The following ABHD17B variants were observed in gnomAD, a reference collection of about 807,000 sequenced individuals.
ABHD17B encodes alpha/beta hydrolase domain-containing protein 17B.
A neutral mutation model predicts 26.2 loss-of-function variants in ABHD17B; 9 were observed. The ratio of observed to expected loss-of-function variants is 0.34; its 90% CI spans 0.21 to 0.60. The LOEUF (loss-of-function observed/expected upper bound fraction) is 0.60. Ranked by LOEUF, ABHD17B falls within the 20% of genes least tolerant of loss-of-function variation. ABHD17B has a pLI of 0.80. For missense variants in ABHD17B, 224 were observed against 352.1 expected (o/e 0.64, Z 2.91); for synonymous variants, 127 against 122.3 (o/e 1.04, Z -0.25).
downstream of ABHD17B, among the ~76,000 whole-genome samples, chr9:71,863,522 A>T (rs1825878809): frequency 6.6e-6 from 1 of 152,180 alleles, no homozygotes; most frequent in South Asian, 2.1e-4. Context: ...TCAAAATGGA[A>T]TACAAAGTCT....
intron 2 of ABHD17B, among the ~76,000 whole-genome samples, chr9:71,871,451 C>T (rs1354865440): frequency 6.6e-6 from 1 of 152,192 alleles, no homozygotes; most frequent in African/African-American, 2.4e-5. Flanking sequence ...TTCTTTACAA[C>T]AGACCTAGTT....
chr9:71,880,344 C>G (rs889289012), intron 1 of ABHD17B, among the ~76,000 whole-genome samples: 1 of 151,660 alleles, frequency 6.6e-6, no homozygotes, highest in Admixed American at 6.6e-5. Flanking sequence ...CATGAAAAAA[C>G]CTTAAAAACC....
chr9:71,865,176 T>C lies in ABHD17B; in HGVS notation c.*1611A>G. On this transcript the variant is annotated 3_prime_UTR_variant, in exon 4 of 4. Coordinates refer to ENST00000333421, the MANE Select transcript of ABHD17B (RefSeq NM_001025780.3). ...GTCAGTGGTATATTTGTTGTTTTAC[T>C]GTTAATTTGACACATCTGAACCAAA... 1.0e-6 allele frequency: 1 copy of C among 985,566 alleles called. No individual in the cohort carries two copies. Among genetic ancestry groups the C allele is most frequent in the Non-Finnish European group, 1.2e-6 (1 of 829,936 alleles). The allele number at this position is 985,566 out of a possible 1,614,324, so 61.1% of individuals were successfully genotyped here. A position where few individuals can be genotyped will look rare whatever the true frequency, so the allele number is the denominator to read the frequency against.
intron 1 of ABHD17B, among the ~76,000 whole-genome samples, chr9:71,894,627 G>A (rs1474831795): frequency 2.0e-5 from 3 of 152,160 alleles, no homozygotes; most frequent in Non-Finnish European, 4.4e-5. Flanking sequence ...TGTATACAAA[G>A]GGCCCAGAAA....
chr9:71,864,104 T>C (rs899936665), downstream of ABHD17B, among the ~76,000 whole-genome samples: 1 of 152,024 alleles, frequency 6.6e-6, no homozygotes, highest in Non-Finnish European at 1.5e-5. Context: ...ACAAGTGCTG[T>C]TTCCTTTTTC....
chr9:71,881,413 G>A (rs1826436863), intron 1 of ABHD17B, among the ~76,000 whole-genome samples: 1 of 152,070 alleles, frequency 6.6e-6, no homozygotes, highest in Non-Finnish European at 1.5e-5. Flanking sequence ...ATAAATCTTT[G>A]TGACCTTGGG....
chr9:71,895,245 G>A (rs1316075848), intron 1 of ABHD17B, among the ~76,000 whole-genome samples: 2 of 152,132 alleles, frequency 1.3e-5, no homozygotes, highest in East Asian at 3.9e-4. Flanking sequence ...ATTTACAGAT[G>A]AGGAAACAGA....
chr9:71,883,819 C>T (rs1254790745), intron 1 of ABHD17B, among the ~76,000 whole-genome samples: 1 of 152,060 alleles, frequency 6.6e-6, no homozygotes, highest in Non-Finnish European at 1.5e-5. Context: ...TGCCTGTAAT[C>T]CCAGCTACTC....
In ABHD17B at chr9:71,865,269, G is replaced by C. The variant is rs1254986304; in HGVS notation, c.*1518C>G. 3 of 985,362 alleles carry C rather than the reference G, an allele frequency of 3.0e-6. No individual in the cohort carries two copies. Among genetic ancestry groups the C allele is most frequent in the Non-Finnish European group, 3.6e-6 (3 of 829,732 alleles). 61.0% of individuals were successfully genotyped at this position (985,362 alleles called of 1,614,324 possible). ...ATAGTCTTAAACATAACCACGGAAC[G>C]AGCAGAACAATTAAAACTACATAAG... On this transcript the variant is annotated 3_prime_UTR_variant, in exon 4 of 4. Transcript: ENST00000333421.
chr9:71,890,115 T>A (rs1826739339), intron 1 of ABHD17B, among the ~76,000 whole-genome samples: 1 of 150,922 alleles, frequency 6.6e-6, no homozygotes, highest in South Asian at 2.1e-4. Context: ...TAAAAATAAA[T>A]AAATAAATAA....
intron 1 of ABHD17B, among the ~76,000 whole-genome samples, chr9:71,904,771 G>C (rs747957267): frequency 4.6e-5 from 7 of 152,078 alleles, no homozygotes; most frequent in Non-Finnish European, 7.4e-5. Context: ...AATGAAAGAG[G>C]TGTCAAATTT....
At position 71,875,209 on chromosome 9, in the gene ABHD17B, T is replaced by A. The variant is rs549806140; in HGVS notation, c.-3-126A>T. On this transcript the variant is annotated intron_variant, in intron 1 of 3. Coordinates refer to ENST00000333421, the MANE Select transcript of ABHD17B (RefSeq NM_001025780.3). ...ATGACTATTACTATTTTAGGTATGA[T>A]TCCAAACAGATTTTTGGCTTCTTTT... The A allele has an allele frequency of 5.6e-5, 43 of 767,470 alleles. No individual in the cohort carries two copies. In the South Asian group the frequency reaches 8.3e-4, roughly 15 times the overall value. The allele number at this position is 767,470 out of a possible 1,614,324, so 47.5% of individuals were successfully genotyped here.
chr9:71,893,790 A>C (rs1200907368), intron 1 of ABHD17B, among the ~76,000 whole-genome samples: 1 of 152,200 alleles, frequency 6.6e-6, no homozygotes, highest in Non-Finnish European at 1.5e-5. Flanking sequence ...ACTTGTTAGC[A>C]TACAAAGATA....
chr9:71,869,539 A>C (rs1157102833), intron 3 of ABHD17B, among the ~76,000 whole-genome samples: 2 of 152,194 alleles, frequency 1.3e-5, no homozygotes, highest in Admixed American at 6.5e-5. Flanking sequence ...AAATACATCT[A>C]AGTATGTTTG....
chr9:71,910,142 A>G (rs1236805866), intron 1 of ABHD17B, among the ~76,000 whole-genome samples: 1 of 152,104 alleles, frequency 6.6e-6, no homozygotes, highest in Non-Finnish European at 1.5e-5. Context: ...GTGCAGATTC[A>G]ATCTAAAATC....
At chr9:71,889,024 AAAAAC>A (rs796353086) in intron 1 of ABHD17B, among the ~76,000 whole-genome samples, 1,838 of 151,944 alleles carry the variant, frequency 0.012, 33 homozygotes, top group African/African-American at 0.042. Flanking sequence ...GTTTAAAAAA[AAAAAC>A]AAACCAGCCA....
chr9:71,905,127 T>C (rs1168488576), intron 1 of ABHD17B, among the ~76,000 whole-genome samples: 1 of 152,076 alleles, frequency 6.6e-6, no homozygotes, highest in African/African-American at 2.4e-5. Context: ...AAGAAGTTTT[T>C]TGTTTTTTTT....
At chr9:71,904,647 T>C (rs1246880431) in intron 1 of ABHD17B, among the ~76,000 whole-genome samples, 1 of 152,154 alleles carries the variant, frequency 6.6e-6, no homozygotes, top group Non-Finnish European at 1.5e-5. Flanking sequence ...GATGATGCTG[T>C]AGTGGGTAAA....
At chr9:71,890,870 T>G (rs1826760826) in intron 1 of ABHD17B, among the ~76,000 whole-genome samples, 1 of 152,216 alleles carries the variant, frequency 6.6e-6, no homozygotes, top group South Asian at 2.1e-4. Flanking sequence ...CAGTGATTTC[T>G]GTTTTAATTT....
Sources: allele counts gnomAD v4.1 joint callset (sites outside exome capture counted in the v4.1 genomes callset), GRCh38; gene constraint gnomAD v4.1.1; transcripts MANE v1.5; gene names NCBI Gene and HGNC (gene_info 2026-07-23, HGNC 2026-07-21).